C9orf72: variants seen among roughly 807,000 people sequenced by gnomAD.
C9orf72 encodes guanine nucleotide exchange factor C9orf72.
In C9orf72, 44 loss-of-function variants were observed where a neutral mutation model predicts 51.6. The ratio of observed to expected loss-of-function variants is 0.85; its 90% CI spans 0.67 to 1.10. C9orf72 has a LOEUF of 1.10. Ranked by LOEUF, C9orf72 falls within the 50% of genes least tolerant of loss-of-function variation. The probability of loss-of-function intolerance (pLI) is 0.00; values close to 1 mark genes in which losing one functional copy is unlikely to be tolerated. For synonymous variants in C9orf72, 213 were observed against 194.2 expected (o/e 1.10, Z -0.81); for missense variants, 607 against 570.6 (o/e 1.06, Z -0.65).
Position 27,550,677 on chromosome 9 carries a change from G to A in C9orf72, c.1122C>T (p.Asp374=), listed in dbSNP as rs748989629. The A allele has an allele frequency of 6.3e-7, 1 of 1,589,608 alleles. No individual in the cohort carries two copies. Among genetic ancestry groups the A allele is most frequent in the Non-Finnish European group, 8.6e-7 (1 of 1,163,996 alleles). Residue 374 remains aspartate (D), a synonymous_variant, in exon 9 of 11, where the codon GAC becomes GAT. Coordinates refer to ENST00000380003, the MANE Select transcript of C9orf72 (RefSeq NM_018325.5). ...GATCCAGGAAGGCTTTCACTAGAGT[G>A]TCTCTGTGTAAGACATCTTGAAAAA... ...LNIFQDVLHR[D]TLVKAFLDQV...
In C9orf72 at chr9:27,547,160, C is replaced by T. The variant is rs1820785165; in HGVS notation, c.*1076G>A. ...AAAACAGCACTTCAGTAAAATTTCT[C>T]CTGCTATTCCTTATAGCCTATTGCA... is the stretch of plus-strand genomic sequence containing the variant. On this transcript the variant is annotated 3_prime_UTR_variant, in exon 11 of 11. Coordinates refer to ENST00000380003, the MANE Select transcript of C9orf72 (RefSeq NM_018325.5). The T allele has an allele frequency of 6.6e-6, 1 of 152,600 alleles. No homozygotes were observed. The highest frequency in any genetic ancestry group is 1.5e-5 in the Non-Finnish European group (1 of 68,020). 9.5% of individuals were successfully genotyped at this position (152,600 alleles called of 1,614,324 possible).
At position 27,548,586 on chromosome 9, in the gene C9orf72, C is replaced by T. The variant is rs530261789; in HGVS notation, c.1230G>A (p.Leu410=). Reference sequence around the variant, plus strand: ...CGTCTTCTATATATTTTATTAGTGTCAAGGCTTTTCTGTGAAGGACAAGTA... The same window carrying T: ...CGTCTTCTATATATTTTATTAGTGTTAAGGCTTTTCTGTGAAGGACAAGTA... ...QFLLVLHRKA[L]TLIKYIEDDT... Residue 410 remains leucine (L), a synonymous_variant, in exon 10 of 11, where the codon TTG becomes TTA. Coordinates refer to ENST00000380003, the MANE Select transcript of C9orf72 (RefSeq NM_018325.5). The T allele has an allele frequency of 1.9e-6, 3 of 1,607,888 alleles. No homozygotes were observed. Among genetic ancestry groups the T allele is most frequent in the African/African-American group, 2.7e-5 (2 of 74,820 alleles).
At chr9:27,554,810 A>AT (rs1436101618) in intron 8 of C9orf72, among the ~76,000 whole-genome samples, 2 of 152,172 alleles carry the variant, frequency 1.3e-5, no homozygotes, top group Non-Finnish European at 2.9e-5. Flanking sequence ...TGAAAATACT[A>AT]TTTTTTGGAC....
chr9:27,553,966 TTGCAAATCAA>T (rs1354601224), intron 8 of C9orf72, among the ~76,000 whole-genome samples: 3 of 152,044 alleles, frequency 2.0e-5, no homozygotes, highest in African/African-American at 7.2e-5. Context: ...TAATAGAGAA[TTGCAAATCAA>T]TTCTCTAGGA....
intron 6 of C9orf72, chr9:27,559,568 T>C (rs1819291297): frequency 1.3e-5 from 2 of 152,162 alleles, no homozygotes; most frequent in South Asian, 2.1e-4. Context: ...ATATTTCCTA[T>C]GTAAAACTTT....
chr9:27,563,072 A>C (rs890592249), intron 3 of C9orf72, among the ~76,000 whole-genome samples: 1 of 152,124 alleles, frequency 6.6e-6, no homozygotes, highest in African/African-American at 2.4e-5. Flanking sequence ...TTCATATTTA[A>C]AAATGAGGAA....
chr9:27,570,284 C>A (rs1819557454), intron 1 of C9orf72, among the ~76,000 whole-genome samples: 1 of 152,094 alleles, frequency 6.6e-6, no homozygotes, highest in Non-Finnish European at 1.5e-5. Context: ...GCTGTCATAA[C>A]TAACAACAGC....
Position 27,566,854 on chromosome 9 carries a change from T to C in C9orf72, c.267A>G (p.Glu89=), listed in dbSNP as rs749583596. 4.3e-6 allele frequency: 7 copies of C among 1,614,006 alleles called. No individual in the cohort carries two copies. The highest frequency in any genetic ancestry group is 5.9e-6 in the Non-Finnish European group (7 of 1,179,938). ...AIDVKFFVLS[E]KGVIIVSLIF... ...TTAATGAAACAATAATCACTCCCTT[T>C]TCAGACAAGACAAAAAACTTTACAT... The change falls in exon 2 of 11, where the codon GAA becomes GAG. Residue 89 remains glutamate, a synonymous_variant. Transcript: ENST00000380003.
At chr9:27,567,253 G>A in intron 1 of C9orf72, 89 bp from the exon 2 acceptor site, 1 of 732,358 alleles carries the variant, frequency 1.4e-6, no homozygotes, top group Non-Finnish European at 2.2e-6. Flanking sequence ...TATTTGGTTT[G>A]TCCTCTTAAG....
intron 1 of C9orf72, among the ~76,000 whole-genome samples, chr9:27,569,643 CAA>C (rs1235079632): frequency 1.3e-5 from 2 of 152,260 alleles, no homozygotes; most frequent in East Asian, 3.9e-4. Context: ...TGCATAATGA[CAA>C]AATCGCCTAA....
At position 27,556,649 on chromosome 9, in the gene C9orf72, C is replaced by T. The variant is rs770323658; in HGVS notation, c.1003G>A (p.Glu335Lys). 17 of 1,613,778 alleles carry T rather than the reference C, an allele frequency of 1.1e-5. No individual in the cohort carries two copies. The highest frequency in any genetic ancestry group is 4.4e-5 in the South Asian group (4 of 91,086). ...GTGGCTCTCCAGAAGGCTGTCAGCT[C>T]GGATCTCATGTATCTACGCTGATTA... ...IYNQRRYMRSELTAFWRATSE... is the reference protein window; with the variant it reads ...IYNQRRYMRSKLTAFWRATSE... Residue 335 changes from glutamate to lysine, a missense_variant, in exon 8 of 11, where the codon GAG becomes AAG. Coordinates refer to ENST00000380003, the MANE Select transcript of C9orf72 (RefSeq NM_018325.5).
rs954071323 is a variant in C9orf72, at chr9:27,548,060, A to G, written c.*176T>C. 2.3e-6 allele frequency: 1 copy of G among 438,142 alleles called. No individual in the cohort carries two copies. The highest frequency in any genetic ancestry group is 4.0e-6 in the Non-Finnish European group (1 of 247,828). The allele number at this position is 438,142 out of a possible 1,614,324, so 27.1% of individuals were successfully genotyped here. ...TCTAGGAAAAGAGACACCCAATGTA[A>G]TGATGCACCTGACATCCCCTCACAG... On this transcript the variant is annotated 3_prime_UTR_variant, in exon 11 of 11. Transcript: ENST00000380003.
At chr9:27,570,591 C>T (rs78900326) in intron 1 of C9orf72, among the ~76,000 whole-genome samples, 3,360 of 152,140 alleles carry the variant, frequency 0.022, 58 homozygotes, top group Middle Eastern at 0.048. Context: ...ATGGGCCGGG[C>T]ATGGTGGGTC....
intron 3 of C9orf72, among the ~76,000 whole-genome samples, chr9:27,564,369 C>T (rs1819419013): frequency 6.6e-6 from 1 of 152,054 alleles, no homozygotes; most frequent in African/African-American, 2.4e-5. Flanking sequence ...AAAACAAAAT[C>T]CCAGTAAAAG....
chr9:27,560,595 G>A, intron 5 of C9orf72: 1 of 901,538 alleles, frequency 1.1e-6, no homozygotes, highest in Non-Finnish European at 1.4e-6. Context: ...AAATTGACAT[G>A]TAGAGAGATT....
intron 9 of C9orf72, among the ~76,000 whole-genome samples, chr9:27,549,045 A>G (rs952751943): frequency 6.6e-6 from 1 of 152,086 alleles, no homozygotes; most frequent in African/African-American, 2.4e-5. Flanking sequence ...GGGTTTCACC[A>G]TGTTGGCAGG....
At chr9:27,552,162 G>A (rs2131530421) in intron 8 of C9orf72, among the ~76,000 whole-genome samples, 1 of 152,228 alleles carries the variant, frequency 6.6e-6, no homozygotes, top group East Asian at 1.9e-4. Context: ...TGATTGCTCT[G>A]GCTAGGACTT....
intron 5 of C9orf72, chr9:27,560,698 C>T: frequency 1.0e-6 from 1 of 987,868 alleles, no homozygotes; most frequent in African/African-American, 1.7e-5. Context: ...TGATTCAAGC[C>T]ATTAAGGCTC....
upstream of C9orf72, chr9:27,573,753 A>C (rs1329769727): frequency 6.6e-6 from 1 of 152,316 alleles, no homozygotes; most frequent in Non-Finnish European, 1.5e-5. Flanking sequence ...CCCCCAAAAG[A>C]GAAGCAACCG....
Sources: allele counts gnomAD v4.1 joint callset (sites outside exome capture counted in the v4.1 genomes callset), GRCh38; gene constraint gnomAD v4.1.1; transcripts MANE v1.5; gene names NCBI Gene and HGNC (gene_info 2026-07-23, HGNC 2026-07-21).